The following PTPRT variants were observed in gnomAD, a reference collection of about 807,000 sequenced individuals.
The protein encoded by PTPRT is receptor-type tyrosine-protein phosphatase T.
In PTPRT, 56 loss-of-function variants were observed where a neutral mutation model predicts 176.8. The observed-to-expected ratio is 0.32, with a 90% confidence interval of 0.26 to 0.40. The LOEUF is 0.40. Ranked by LOEUF, PTPRT falls within the 10% of genes least tolerant of loss-of-function variation. PTPRT has a pLI of 1.00. For missense variants in PTPRT, 1,540 were observed against 1,908.2 expected, an observed-to-expected ratio of 0.81 and a Z score of 3.60; for synonymous variants, 783 against 739.0, an observed-to-expected ratio of 1.06 and a Z score of -0.96.
chr20:42,598,875 C>T (rs912029317), intron 7 of PTPRT, among the ~76,000 whole-genome samples: 1 of 152,206 alleles, frequency 6.6e-6, no homozygotes, highest in Non-Finnish European at 1.5e-5. Flanking sequence ...CACCTCTGCA[C>T]CTCCAGTGCC....
At chr20:42,886,144 G>A (rs144656206) in intron 1 of PTPRT, among the ~76,000 whole-genome samples, 136 of 152,126 alleles carry the variant, frequency 8.9e-4, no homozygotes, top group African/African-American at 3.1e-3. Flanking sequence ...GCAGGCCTCC[G>A]TATTTAAAAA....
intron 7 of PTPRT, among the ~76,000 whole-genome samples, chr20:42,663,777 C>T (rs2075267129): frequency 6.6e-6 from 1 of 152,124 alleles, no homozygotes; most frequent in African/African-American, 2.4e-5. Context: ...TAACCCATGC[C>T]ATTAGATACA....
At chr20:42,804,870 G>A (rs1200185684) in intron 2 of PTPRT, among the ~76,000 whole-genome samples, 2 of 152,064 alleles carry the variant, frequency 1.3e-5, no homozygotes, top group East Asian at 1.9e-4. Context: ...CAGTCACATC[G>A]AATTCAGAGC....
chr20:42,496,815 G>C (rs2071663134), intron 7 of PTPRT, among the ~76,000 whole-genome samples: 1 of 152,036 alleles, frequency 6.6e-6, no homozygotes, highest in Non-Finnish European at 1.5e-5. Flanking sequence ...ATCTTCAATG[G>C]TGTAATCCTT....
At chr20:42,710,625 C>A (rs1482004819) in intron 6 of PTPRT, among the ~76,000 whole-genome samples, 2 of 152,242 alleles carry the variant, frequency 1.3e-5, no homozygotes, top group Non-Finnish European at 2.9e-5. Context: ...GCCACAAGGG[C>A]AGAGCCCTGC....
chr20:42,260,136 A>G lies in PTPRT; in HGVS notation c.2177-11314T>C, dbSNP rs576803959. Among the ~76,000 whole-genome samples the G allele has an allele frequency of 2.9e-4, 44 of 152,352 alleles. 1 individual carries two copies. The South Asian group carries it at 7.9e-3, about 27-fold the overall frequency. On this transcript the variant is annotated intron_variant, in intron 13 of 30. Coordinates refer to ENST00000373187, the MANE Select transcript of PTPRT (RefSeq NM_007050.6). ...GCACCAACACAGAAGTGTGCACAGG[A>G]AAGGGCATGCCCAGCTCTGCTTAAA...
intron 1 of PTPRT, among the ~76,000 whole-genome samples, chr20:43,055,884 G>A (rs1987214959): frequency 6.6e-6 from 1 of 152,176 alleles, no homozygotes; most frequent in Non-Finnish European, 1.5e-5. Flanking sequence ...TAAACCAGGG[G>A]ATCAGCTGAA....
At chr20:42,047,298 C>A in the PTPRT span, among the ~76,000 whole-genome samples, 2 of 152,148 alleles carry the variant, frequency 1.3e-5, no homozygotes, top group Non-Finnish European at 2.9e-5. Flanking sequence ...AAATAGGAAA[C>A]CTTGTTTAGC....
the PTPRT span, among the ~76,000 whole-genome samples, chr20:42,056,553 G>A: frequency 2.2e-4 from 33 of 152,186 alleles, no homozygotes; most frequent in African/African-American, 7.7e-4. Context: ...GGGCAGCAAA[G>A]GATGAATAAG....
chr20:42,428,528 C>T (rs2145793465), intron 9 of PTPRT, among the ~76,000 whole-genome samples: 1 of 152,226 alleles, frequency 6.6e-6, no homozygotes, highest in South Asian at 2.1e-4. Flanking sequence ...TTGCCTTTTG[C>T]AATTTTCCTT....
intron 2 of PTPRT, among the ~76,000 whole-genome samples, chr20:42,868,463 T>C (rs1338160062): frequency 6.6e-6 from 1 of 152,212 alleles, no homozygotes; most frequent in Non-Finnish European, 1.5e-5. Flanking sequence ...AAGAAGTATC[T>C]AAGCAAAGTG....
intron 7 of PTPRT, among the ~76,000 whole-genome samples, chr20:42,478,492 C>G (rs887410201): frequency 2.0e-5 from 3 of 152,152 alleles, no homozygotes; most frequent in Admixed American, 1.3e-4. Flanking sequence ...CAGGTACCTT[C>G]CTGCCCCCAA....
intron 9 of PTPRT, among the ~76,000 whole-genome samples, chr20:42,433,356 G>A (rs746458777): frequency 6.6e-6 from 1 of 152,168 alleles, no homozygotes; most frequent in East Asian, 1.9e-4. Context: ...ATGAACCAAT[G>A]AGTGAGGGCA....
In PTPRT at chr20:42,161,814, T is replaced by C. The variant is rs972993067; in HGVS notation, c.2492-272A>G. Among the ~76,000 whole-genome samples the C allele has an allele frequency of 3.3e-5, 5 of 152,160 alleles. No homozygotes were observed. The East Asian group carries it at 5.8e-4, about 18-fold the overall frequency. On this transcript the variant is annotated intron_variant, in intron 16 of 30. Transcript: ENST00000373187. ...CCAGGTTGTTCATCATCCCCGTCTG[T>C]CTCAGTCCTTCGTTTAGACTTTGTT...
chr20:43,136,330 A>G (rs1295658732), intron 1 of PTPRT, among the ~76,000 whole-genome samples: 1 of 152,194 alleles, frequency 6.6e-6, no homozygotes, highest in African/African-American at 2.4e-5. Flanking sequence ...TGCCTCCTTC[A>G]ATGCTGTAGC....
At chr20:42,096,052 C>T (rs1225751189) in intron 27 of PTPRT, among the ~76,000 whole-genome samples, 1 of 152,206 alleles carries the variant, frequency 6.6e-6, no homozygotes, top group Non-Finnish European at 1.5e-5. Flanking sequence ...TTATTCACCT[C>T]CCACCTGCAC....
At chr20:42,294,139 T>C (rs1048015071) in intron 12 of PTPRT, among the ~76,000 whole-genome samples, 8 of 152,168 alleles carry the variant, frequency 5.3e-5, no homozygotes, top group African/African-American at 1.4e-4. Flanking sequence ...ACAAGAGCTA[T>C]GTAAAAACAA....
intron 5 of PTPRT, among the ~76,000 whole-genome samples, chr20:42,761,091 C>T (rs2076908641): frequency 6.6e-6 from 1 of 152,100 alleles, no homozygotes; most frequent in African/African-American, 2.4e-5. Flanking sequence ...GTTCTCGAAC[C>T]ATGGTCCCCA....
intron 7 of PTPRT, among the ~76,000 whole-genome samples, chr20:42,656,147 C>G (rs1470700883): frequency 1.3e-5 from 2 of 151,996 alleles, no homozygotes; most frequent in Admixed American, 6.6e-5. Context: ...CCCTATTGAC[C>G]CTGGTAGATG....
Sources: allele counts gnomAD v4.1 joint callset (sites outside exome capture counted in the v4.1 genomes callset), GRCh38; gene constraint gnomAD v4.1.1; transcripts MANE v1.5; gene names NCBI Gene and HGNC (gene_info 2026-07-23, HGNC 2026-07-21).